Variants in GRK6 observed in about 807,000 individuals in gnomAD.
GRK6 encodes the protein G protein-coupled receptor kinase 6.
A neutral mutation model predicts 80.8 loss-of-function variants in GRK6; 37 were observed. The ratio of observed to expected loss-of-function variants is 0.46; its 90% CI spans 0.35 to 0.60. The LOEUF (loss-of-function observed/expected upper bound fraction) is 0.60. GRK6 is among the 20% of genes least tolerant of loss of function. The pLI is 0.00. For synonymous variants in GRK6, 295 were observed against 320.9 expected, an observed-to-expected ratio of 0.92 and a Z score of 0.86; for missense variants, 560 against 784.6, an observed-to-expected ratio of 0.71 and a Z score of 3.42.
At position 177,435,256 on chromosome 5, in the gene GRK6, T is replaced by G. The variant is rs1035172389; in HGVS notation, c.1057+135T>G. The stretch of plus-strand genomic sequence containing the variant: ...AAAGGGCCCATGCCGATGCTCCTCT[T>G]CTAGAGGTTAGGAGACCAAGACTCA... On this transcript the variant is annotated intron_variant, in intron 11 of 15. Coordinates refer to ENST00000355472, the MANE Select transcript of GRK6 (RefSeq NM_001004106.3). 9.2e-6 allele frequency: 6 copies of G among 651,846 alleles called. No homozygotes were observed. In the African/African-American group the frequency reaches 1.1e-4, roughly 12 times the overall value. 40.4% of individuals were successfully genotyped at this position (651,846 alleles called of 1,614,324 possible).
chr5:177,440,734 T>C lies in GRK6; in HGVS notation c.1439T>C (p.Ile480Thr). The C allele has an allele frequency of 6.2e-7, 1 of 1,614,204 alleles. No individual in the cohort carries two copies. The highest frequency in any genetic ancestry group is 8.5e-7 in the Non-Finnish European group (1 of 1,180,026). ...ATTTACTGCAAGGATGTTCTGGACATTGAACAGTTCTCTACGGTCAAGGGC... is the reference window on the plus strand; with the variant it reads ...ATTTACTGCAAGGATGTTCTGGACACTGAACAGTTCTCTACGGTCAAGGGC... ...QAIYCKDVLD[I>T]EQFSTVKGVE... Residue 480 changes from isoleucine (I) to threonine (T), a missense_variant, in exon 14 of 16, where the codon ATT (isoleucine) becomes ACT (threonine). Transcript: ENST00000355472.
At chr5:177,431,329 T>C (rs1421886750) in intron 2 of GRK6, among the ~76,000 whole-genome samples, 2 of 152,158 alleles carry the variant, frequency 1.3e-5, no homozygotes, top group African/African-American at 2.4e-5. Context: ...ACCCCCAGGC[T>C]GGGGCGTAGC....
chr5:177,438,950 G>A (rs1008140072), intron 13 of GRK6: 2 of 152,208 alleles, frequency 1.3e-5, no homozygotes, highest in East Asian at 1.9e-4. Context: ...CAAAGCAAAG[G>A]TGGGCCCTGT....
At chr5:177,434,295 C>A (rs1320554644) in intron 9 of GRK6, among the ~76,000 whole-genome samples, 191 bp downstream of exon 9, 1 of 152,192 alleles carries the variant, frequency 6.6e-6, no homozygotes, top group Non-Finnish European at 1.5e-5. Flanking sequence ...TTGGGCTCTG[C>A]TGGACCCACG....
chr5:177,435,171 C>T, intron 11 of GRK6, 50 bp downstream of exon 11: 1 of 1,389,324 alleles, frequency 7.2e-7, no homozygotes, highest in Non-Finnish European at 1.0e-6. Context: ...CCTCACTATC[C>T]ACCCACCCAG....
At chr5:177,427,978 C>T (rs1208597265) in intron 1 of GRK6, among the ~76,000 whole-genome samples, 3 of 152,214 alleles carry the variant, frequency 2.0e-5, no homozygotes, top group Non-Finnish European at 2.9e-5. Context: ...ACAGGATGAC[C>T]GGCACAGTCT....
At chr5:177,440,606 C>A in intron 13 of GRK6, 94 bp from the exon 14 acceptor site, 1 of 1,474,286 alleles carries the variant, frequency 6.8e-7, no homozygotes, top group Non-Finnish European at 9.3e-7. Context: ...TGTCAGGCAG[C>A]ACTAGGCCAA....
intron 4 of GRK6, 74 bp downstream of exon 4, chr5:177,432,384 C>A: frequency 7.0e-7 from 1 of 1,421,358 alleles, no homozygotes; most frequent in South Asian, 1.2e-5. Flanking sequence ...ACCACAGTGT[C>A]AGGCTTCTGA....
Position 177,435,697 on chromosome 5 carries a change from G to A in GRK6, c.1058-376G>A, listed in dbSNP as rs139337101. 7.9e-3 allele frequency among the ~76,000 whole-genome samples: 1,203 copies of A among 152,378 alleles called. 15 individuals carry two copies. The highest frequency in any genetic ancestry group is 0.019 in the South Asian group (92 of 4,830). The stretch of plus-strand genomic sequence containing the variant: ...ACAGGGCTGCCCTGGCAGGTAGGAG[G>A]TATTCAGAAAATAGGAGTTTCCTTC... On this transcript the variant is annotated intron_variant, in intron 11 of 15. Transcript: ENST00000355472.
In GRK6 at chr5:177,432,052, A is replaced by T; in HGVS notation, c.206A>T (p.Glu69Val). The T allele has an allele frequency of 6.2e-7, 1 of 1,613,206 alleles. No homozygotes were observed. The highest frequency in any genetic ancestry group is 8.5e-7 in the Non-Finnish European group (1 of 1,179,792). ...CCCATTGGGCGCCTGCTGTTCCGAG[A>T]GTTCTGTGCCACGAGGCCGGAGCTG... ...RQPIGRLLFR[E>V]FCATRPELSR... is the part of the protein sequence containing the mutation. Residue 69 changes from glutamate to valine, a missense_variant, in exon 3 of 16, where the codon GAG becomes GTG. Glu to Val is a moderately radical substitution (Grantham distance 121). This residue lies in a region of GRK6 where 189 missense variants were observed against 230.2 expected (regional missense o/e 0.82). Coordinates refer to ENST00000355472, the MANE Select transcript of GRK6 (RefSeq NM_001004106.3).
chr5:177,434,942 G>A lies in GRK6; in HGVS notation c.967+3G>A, dbSNP rs1438472774. On this transcript the variant is annotated splice_donor_region_variant and intron_variant, in intron 10 of 15. Coordinates refer to ENST00000355472, the MANE Select transcript of GRK6 (RefSeq NM_001004106.3). ...GAACATCTTGCTGGATGACCACGGT[G>A]TGTAAGGGTGCCTGGGGTGGGTCAG... The A allele has an allele frequency of 5.0e-6, 8 of 1,591,584 alleles. No individual in the cohort carries two copies. In the Admixed American group the frequency reaches 1.2e-4, roughly 23 times the overall value.
intron 15 of GRK6, 58 bp from the exon 16 acceptor site, chr5:177,441,679 G>T: frequency 7.1e-7 from 1 of 1,405,696 alleles, no homozygotes; most frequent in Non-Finnish European, 1.0e-6. Flanking sequence ...CGTCCCTCGT[G>T]GTTAATGGCA....
At chr5:177,427,435 G>A (rs2127368589) in intron 1 of GRK6, among the ~76,000 whole-genome samples, 1 of 152,328 alleles carries the variant, frequency 6.6e-6, no homozygotes, top group Middle Eastern at 3.4e-3. Flanking sequence ...AGAGGTGAAT[G>A]GATATTTGCC....
Position 177,433,053 on chromosome 5 carries a change from T to C in GRK6, c.441-94T>C, listed in dbSNP as rs1233676244. 2.7e-6 allele frequency: 3 copies of C among 1,117,448 alleles called. No individual in the cohort carries two copies. In the African/African-American group the frequency reaches 4.6e-5, roughly 17 times the overall value. 69.2% of individuals were successfully genotyped at this position (1,117,448 alleles called of 1,614,324 possible). On this transcript the variant is annotated intron_variant, in intron 5 of 15. Coordinates refer to ENST00000355472, the MANE Select transcript of GRK6 (RefSeq NM_001004106.3). ...CTGGCCGACGACGATACCTGTGGGCTAAGCCTGTACAGAACGGGAGGCCTG... is the reference window on the plus strand; with the variant it reads ...CTGGCCGACGACGATACCTGTGGGCCAAGCCTGTACAGAACGGGAGGCCTG...
chr5:177,426,025 C>T (rs1015840587), upstream of GRK6, among the ~76,000 whole-genome samples: 1 of 152,238 alleles, frequency 6.6e-6, no homozygotes, highest in Non-Finnish European at 1.5e-5. Context: ...CAACATCCGG[C>T]TGCGGGGGCT....
upstream of GRK6, among the ~76,000 whole-genome samples, chr5:177,425,579 T>C (rs1221027509): frequency 6.6e-6 from 1 of 152,222 alleles, no homozygotes; most frequent in Non-Finnish European, 1.5e-5. Flanking sequence ...CCTCACTTGC[T>C]CCCTCCACTT....
intron 1 of GRK6, among the ~76,000 whole-genome samples, chr5:177,427,459 T>C (rs1391948776): frequency 6.6e-6 from 1 of 152,184 alleles, no homozygotes; most frequent in African/African-American, 2.4e-5. Flanking sequence ...AGGGAGCCCA[T>C]GGTCTAGTGG....
At position 177,439,186 on chromosome 5, in the gene GRK6, T is replaced by A. The variant is rs541014267; in HGVS notation, c.1405-1514T>A. Among the ~76,000 whole-genome samples the A allele has an allele frequency of 5.9e-5, 9 of 152,344 alleles. No individual in the cohort carries two copies. In the South Asian group the frequency reaches 1.7e-3, roughly 28 times the overall value. ...AAAAGCAAGCTTGATGATATTTTTT[T>A]AACAGCTCTATTGAGTTTAATTTAT... is the stretch of plus-strand genomic sequence containing the variant. On this transcript the variant is annotated intron_variant, in intron 13 of 15. Transcript: ENST00000355472.
At chr5:177,435,245 G>A (rs1170507550) in intron 11 of GRK6, 124 bp downstream of exon 11, 12 of 672,940 alleles carry the variant, frequency 1.8e-5, no homozygotes, top group South Asian at 5.8e-5. Context: ...GGCCCATGCC[G>A]ATGCTCCTCT....
Sources: allele counts gnomAD v4.1 joint callset (sites outside exome capture counted in the v4.1 genomes callset), GRCh38; gene constraint gnomAD v4.1.1; regional missense constraint gnomAD v4.1.1; transcripts MANE v1.5; gene names NCBI Gene and HGNC (gene_info 2026-07-23, HGNC 2026-07-21).